The following SOX5 variants were observed in gnomAD, a reference collection of about 807,000 sequenced individuals.
SOX5 encodes transcription factor SOX-5.
Under a neutral mutation model 92.0 loss-of-function variants are expected in SOX5, and 9 were observed. That is an observed-to-expected ratio of 0.10 (90% confidence interval 0.06 to 0.17). The LOEUF (loss-of-function observed/expected upper bound fraction) is 0.17. Ranked by LOEUF, SOX5 falls within the 10% of genes least tolerant of loss-of-function variation. SOX5 has a pLI of 1.00. For missense variants in SOX5, 642 were observed against 944.5 expected (o/e 0.68, Z 4.20); for synonymous variants, 344 against 336.3 (o/e 1.02, Z -0.25).
At chr12:24,304,107 G>A (rs949447960) in intron 2 of SOX5, among the ~76,000 whole-genome samples, 18 of 152,160 alleles carry the variant, frequency 1.2e-4, no homozygotes, top group African/African-American at 3.9e-4. Context: ...TTCATAAAGT[G>A]CAGGAGTTCT....
At chr12:24,003,534 TAAGAA>T (rs1951831923) in intron 4 of SOX5, among the ~76,000 whole-genome samples, 1 of 151,738 alleles carries the variant, frequency 6.6e-6, no homozygotes, top group African/African-American at 2.4e-5. Flanking sequence ...AAAAATGAAA[TAAGAA>T]AATAATTTCA....
rs569204453 is a variant in SOX5 at position 24,412,840 on chromosome 12, C to T, written c.-250-44201G>A. Among the ~76,000 whole-genome samples the T allele has an allele frequency of 6.7e-5, 10 of 150,328 alleles. No homozygotes were observed. The South Asian group carries it at 1.9e-3, about 28-fold the overall frequency. On this transcript the variant is annotated intron_variant, in intron 1 of 4. Transcript: ENST00000446891. ...CGCAATCTCGGCTCACTGCGAGCTCCGCCTCCTGGGTTCACACCATTCTCC... is the reference window on the plus strand; with the variant it reads ...CGCAATCTCGGCTCACTGCGAGCTCTGCCTCCTGGGTTCACACCATTCTCC...
chr12:23,770,632 T>C (rs2094902401), intron 3 of SOX5, among the ~76,000 whole-genome samples: 1 of 152,196 alleles, frequency 6.6e-6, no homozygotes, highest in Non-Finnish European at 1.5e-5. Flanking sequence ...CTAGGCATGT[T>C]TAAACAACAG....
At chr12:24,062,531 C>A (rs923896819) in intron 4 of SOX5, among the ~76,000 whole-genome samples, 1 of 152,160 alleles carries the variant, frequency 6.6e-6, no homozygotes, top group Non-Finnish European at 1.5e-5. Flanking sequence ...GAGACTCAGA[C>A]CATTACTATA....
chr12:23,693,060 G>A (rs1208668821), intron 6 of SOX5, among the ~76,000 whole-genome samples: 1 of 151,792 alleles, frequency 6.6e-6, no homozygotes, highest in Non-Finnish European at 1.5e-5. Context: ...ATTTCCTTGT[G>A]CTTCCTTGTA....
intron 1 of SOX5, among the ~76,000 whole-genome samples, chr12:24,429,927 A>G (rs996512695): frequency 4.6e-5 from 7 of 152,190 alleles, no homozygotes; most frequent in Non-Finnish European, 1.0e-4. Context: ...GTGAAACTGA[A>G]ATTACTAGCT....
chr12:23,982,165 A>G (rs1466207368), intron 4 of SOX5, among the ~76,000 whole-genome samples: 1 of 152,216 alleles, frequency 6.6e-6, no homozygotes, highest in African/African-American at 2.4e-5. Context: ...TTTGGAAGAA[A>G]GTCTCTTGAA....
intron 1 of SOX5, among the ~76,000 whole-genome samples, chr12:23,921,344 A>G (rs1019010857): frequency 6.6e-6 from 1 of 152,170 alleles, no homozygotes; most frequent in African/African-American, 2.4e-5. Context: ...GGCAGCAGTG[A>G]AACTATTGCT....
At chr12:23,550,032 G>A (rs1490082576) in intron 11 of SOX5, among the ~76,000 whole-genome samples, 4 of 151,952 alleles carry the variant, frequency 2.6e-5, no homozygotes, top group Admixed American at 1.3e-4. Context: ...AGCTGGTCTT[G>A]TGCTCTGTGA....
At chr12:24,216,341 G>A (rs1211162873) in intron 3 of SOX5, among the ~76,000 whole-genome samples, 2 of 152,090 alleles carry the variant, frequency 1.3e-5, no homozygotes, top group Non-Finnish European at 2.9e-5. Flanking sequence ...ACATTTAGCC[G>A]GGCGTGGTGG....
At chr12:23,751,122 A>G (rs1431097523) in intron 4 of SOX5, among the ~76,000 whole-genome samples, 2 of 151,872 alleles carry the variant, frequency 1.3e-5, no homozygotes, top group African/African-American at 4.8e-5. Flanking sequence ...AAAACATTAA[A>G]CATTTACTTT....
intron 1 of SOX5, among the ~76,000 whole-genome samples, chr12:24,477,964 C>T (rs1167139484): frequency 6.6e-6 from 1 of 152,060 alleles, no homozygotes; most frequent in Admixed American, 6.5e-5. Context: ...ATTTTGTTAG[C>T]TTATCAAAAT....
chr12:24,212,218 A>C (rs1020501815), intron 4 of SOX5, among the ~76,000 whole-genome samples: 1 of 152,212 alleles, frequency 6.6e-6, no homozygotes, highest in Admixed American at 6.5e-5. Flanking sequence ...GTGTTCTCTC[A>C]AGGTACATGC....
intron 3 of SOX5, chr12:23,762,410 T>TA (rs35920916): frequency 2.6e-6 from 1 of 379,838 alleles, no homozygotes; most frequent in Non-Finnish European, 4.7e-6. Flanking sequence ...TTCCCCCCTC[T>TA]AAAAAATTCG....
chr12:24,021,016 C>T (rs182956208), intron 4 of SOX5, among the ~76,000 whole-genome samples: 1 of 152,280 alleles, frequency 6.6e-6, no homozygotes, highest in Admixed American at 6.5e-5. Context: ...GCTCCTTTTC[C>T]TGAGAAAGGT....
chr12:24,408,984 C>A (rs1431857797), intron 1 of SOX5, among the ~76,000 whole-genome samples: 1 of 152,048 alleles, frequency 6.6e-6, no homozygotes, highest in Middle Eastern at 3.2e-3. Context: ...GGGTATATAC[C>A]CCCAAAATAT....
At position 23,740,975 on chromosome 12, in the gene SOX5, G is replaced by A; in HGVS notation, c.633C>T (p.Ser211=). 2 of 1,612,546 alleles carry A rather than the reference G, an allele frequency of 1.2e-6. No individual in the cohort carries two copies. Among genetic ancestry groups the A allele is most frequent in the East Asian group, 2.2e-5 (1 of 44,804 alleles). The change falls in exon 5 of 15, where the codon AGC becomes AGT. Residue 211 remains serine, a synonymous_variant. Coordinates refer to ENST00000451604, the MANE Select transcript of SOX5 (RefSeq NM_006940.6). ...GGGCAGCCAACAGCTGCTCTCGGAG[G>A]CTGGTCAGCTGGTTGATCATACCCA... ...QLMGMINQLT[S]LREQLLAAHD...
chr12:23,741,822 TGGA>T (rs1418449681), intron 4 of SOX5, among the ~76,000 whole-genome samples: 1 of 152,154 alleles, frequency 6.6e-6, no homozygotes. Flanking sequence ...ATCCAAAATT[TGGA>T]GAAGTCATGG....
chr12:23,584,459 G>T, intron 9 of SOX5: 1 of 1,007,854 alleles, frequency 9.9e-7, no homozygotes, highest in Non-Finnish European at 1.6e-6. Flanking sequence ...CAGAGTGGGA[G>T]AAATCATAGA....
Sources: allele counts gnomAD v4.1 joint callset (sites outside exome capture counted in the v4.1 genomes callset), GRCh38; gene constraint gnomAD v4.1.1; transcripts MANE v1.5; gene names NCBI Gene and HGNC (gene_info 2026-07-23, HGNC 2026-07-21).